Variants in LRP1B observed in about 807,000 individuals in gnomAD.
LRP1B encodes the protein low-density lipoprotein receptor-related protein 1B.
Under a neutral mutation model 556.6 loss-of-function variants are expected in LRP1B, and 217 were observed. The ratio of observed to expected loss-of-function variants is 0.39; its 90% CI spans 0.35 to 0.44. LRP1B has a LOEUF of 0.44. LRP1B is among the 20% of genes least tolerant of loss of function. LRP1B has a pLI of 1.00. For missense variants in LRP1B, 5,053 were observed against 5,620.8 expected (o/e 0.90, Z 3.23); for synonymous variants, 2,047 against 1,865.8 (o/e 1.10, Z -2.50).
chr2:142,110,054 C>A (rs1706912078), intron 1 of LRP1B, among the ~76,000 whole-genome samples: 1 of 152,078 alleles, frequency 6.6e-6, no homozygotes, highest in South Asian at 2.1e-4. Context: ...GATTTTCCGA[C>A]AGAAAATCTT....
chr2:141,813,179 C>T (rs1234532828), intron 1 of LRP1B, among the ~76,000 whole-genome samples: 2 of 151,940 alleles, frequency 1.3e-5, no homozygotes, highest in Non-Finnish European at 2.9e-5. Context: ...TAAAAATAGG[C>T]CAGAATTCCT....
At chr2:140,605,650 G>A (rs1216475190) in intron 41 of LRP1B, among the ~76,000 whole-genome samples, 1 of 149,208 alleles carries the variant, frequency 6.7e-6, no homozygotes, top group Non-Finnish European at 1.5e-5. Flanking sequence ...CTGCCTGCCT[G>A]CCTGCCTCCG....
intron 32 of LRP1B, among the ~76,000 whole-genome samples, chr2:140,801,919 A>C (rs554834715): frequency 5.3e-5 from 8 of 152,250 alleles, no homozygotes; most frequent in Admixed American, 2.0e-4. Context: ...GTGTGAAAGG[A>C]AAACAAACGA....
intron 35 of LRP1B, among the ~76,000 whole-genome samples, chr2:140,722,389 T>G (rs10201280): frequency 0.46 from 69,624 of 151,960 alleles, 17,230 homozygotes; most frequent in Non-Finnish European, 0.57. Context: ...ATACCTTTAG[T>G]AGATAGGGTT....
chr2:141,827,526 G>T (rs1344497841), intron 1 of LRP1B, among the ~76,000 whole-genome samples: 1 of 152,220 alleles, frequency 6.6e-6, no homozygotes, highest in South Asian at 2.1e-4. Flanking sequence ...TGTCAAGCAG[G>T]AGAAATTCTA....
chr2:141,097,430 G>T (rs755976020), intron 7 of LRP1B, among the ~76,000 whole-genome samples: 6 of 151,928 alleles, frequency 3.9e-5, no homozygotes, highest in African/African-American at 1.5e-4. Context: ...AAGAGGGGGA[G>T]TAAGAAAAAG....
chr2:141,710,269 AG>A (rs1692310087), intron 2 of LRP1B, among the ~76,000 whole-genome samples: 1 of 152,090 alleles, frequency 6.6e-6, no homozygotes, highest in Non-Finnish European at 1.5e-5. Flanking sequence ...TCAAAATGTC[AG>A]GTTTTAAAAA....
chr2:140,283,456 A>G (rs1430604964), intron 84 of LRP1B, among the ~76,000 whole-genome samples: 1 of 151,790 alleles, frequency 6.6e-6, no homozygotes, highest in Non-Finnish European at 1.5e-5. Flanking sequence ...AAGCATGCCT[A>G]AGGAAATACC....
At chr2:141,609,640 G>A (rs1380334563) in intron 2 of LRP1B, among the ~76,000 whole-genome samples, 1 of 152,238 alleles carries the variant, frequency 6.6e-6, no homozygotes, top group East Asian at 1.9e-4. Flanking sequence ...TTTAACAATT[G>A]ATTGTCATGA....
At chr2:141,244,289 C>T (rs1683991103) in intron 5 of LRP1B, among the ~76,000 whole-genome samples, 1 of 152,160 alleles carries the variant, frequency 6.6e-6, no homozygotes, top group Non-Finnish European at 1.5e-5. Flanking sequence ...TTTATAGTAT[C>T]CTTTCTTTCT....
intron 3 of LRP1B, among the ~76,000 whole-genome samples, chr2:141,295,964 G>A (rs867004675): frequency 1.4e-4 from 22 of 151,988 alleles, no homozygotes; most frequent in African/African-American, 5.3e-4. Flanking sequence ...TAGGCAAAAT[G>A]GTTACCTCCA....
chr2:141,283,024 A>C (rs1685565442), intron 3 of LRP1B, among the ~76,000 whole-genome samples: 1 of 152,174 alleles, frequency 6.6e-6, no homozygotes, highest in Non-Finnish European at 1.5e-5. Context: ...TCTGCCTTTC[A>C]TCTAGTCCAG....
intron 7 of LRP1B, among the ~76,000 whole-genome samples, chr2:141,159,789 T>G (rs1679921502): frequency 6.6e-6 from 1 of 152,100 alleles, no homozygotes; most frequent in Admixed American, 6.6e-5. Context: ...CAAAACAAAT[T>G]TAGTTAAAAA....
At chr2:141,799,341 A>G (rs1005807344) in intron 2 of LRP1B, among the ~76,000 whole-genome samples, 4 of 152,096 alleles carry the variant, frequency 2.6e-5, no homozygotes, top group Non-Finnish European at 5.9e-5. Flanking sequence ...TGTTTTCCCC[A>G]TTTGGCCACA....
intron 40 of LRP1B, among the ~76,000 whole-genome samples, chr2:140,701,459 T>C (rs1368592866): frequency 6.6e-6 from 1 of 152,072 alleles, no homozygotes; most frequent in Non-Finnish European, 1.5e-5. Context: ...CTATATTCCT[T>C]AGCCAAAACC....
At chr2:141,652,343 T>C (rs1172074917) in intron 2 of LRP1B, among the ~76,000 whole-genome samples, 1 of 152,234 alleles carries the variant, frequency 6.6e-6, no homozygotes, top group African/African-American at 2.4e-5. Context: ...AATTTTATGA[T>C]GGAGCTGCTA....
At chr2:141,475,320 T>G (rs1682658568) in intron 3 of LRP1B, among the ~76,000 whole-genome samples, 1 of 152,144 alleles carries the variant, frequency 6.6e-6, no homozygotes, top group African/African-American at 2.4e-5. Flanking sequence ...TAAGCTGAGA[T>G]CATGCCACTG....
intron 2 of LRP1B, among the ~76,000 whole-genome samples, chr2:141,599,045 T>TCCCCCCCCCCC (rs1559166868): frequency 1.4e-4 from 4 of 29,002 alleles, no homozygotes; most frequent in East Asian, 1.3e-3. Flanking sequence ...TTTGTTCAAC[T>TCCCCCCCCCCC]CCCCCCCGCC....
intron 11 of LRP1B, among the ~76,000 whole-genome samples, chr2:141,021,890 A>G (rs1166599430): frequency 1.3e-5 from 2 of 151,970 alleles, no homozygotes; most frequent in Admixed American, 6.6e-5. Context: ...AACATTTAGC[A>G]TATTTCCTGG....
Sources: allele counts gnomAD v4.1 joint callset (sites outside exome capture counted in the v4.1 genomes callset), GRCh38; gene constraint gnomAD v4.1.1; transcripts MANE v1.5; gene names NCBI Gene and HGNC (gene_info 2026-07-23, HGNC 2026-07-21).